GALNTL6: variants seen among roughly 807,000 people sequenced by gnomAD.
The protein encoded by GALNTL6 is polypeptide N-acetylgalactosaminyltransferase like 6, also known as polypeptide N-acetylgalactosaminyltransferase-like 6.
GALNTL6 carries 46 observed loss-of-function variants against 73.7 expected under a neutral mutation model. The ratio of observed to expected loss-of-function variants is 0.62; its 90% confidence interval spans 0.49 to 0.80. The LOEUF is 0.80. Ranked by LOEUF, GALNTL6 falls within the 30% of genes least tolerant of loss-of-function variation. The pLI is 0.00. For synonymous variants in GALNTL6, 259 were observed against 263.7 expected (o/e 0.98, Z 0.17); for missense variants, 604 against 755.0 (o/e 0.80, Z 2.34).
rs756170566 is a variant in GALNTL6, at chr4:172,430,086, TA to T, written c.553+81398del. ...AAATATATATGTGTGTGTATATATATATATACATATATATATCTGTGAAGTG... is the reference window on the plus strand; with the variant it reads ...AAATATATATGTGTGTGTATATATATTATACATATATATATCTGTGAAGTG... On this transcript the variant is annotated intron_variant, in intron 5 of 12. Transcript: ENST00000506823. Among the ~76,000 whole-genome samples the T allele has an allele frequency of 6.5e-4, 98 of 151,890 alleles. 1 individual carries two copies. The highest frequency in any genetic ancestry group is 1.3e-3 in the Non-Finnish European group (85 of 67,984).
At chr4:172,301,788 G>C (rs1425292627) in intron 3 of GALNTL6, among the ~76,000 whole-genome samples, 1 of 152,184 alleles carries the variant, frequency 6.6e-6, no homozygotes, top group African/African-American at 2.4e-5. Flanking sequence ...ACTGGGGGGT[G>C]CCTCCCAGTT....
intron 5 of GALNTL6, among the ~76,000 whole-genome samples, chr4:172,601,375 G>C (rs753375416): frequency 6.6e-6 from 1 of 152,106 alleles, no homozygotes; most frequent in Non-Finnish European, 1.5e-5. Flanking sequence ...AGGTATTTGG[G>C]TAATGGGGCA....
At chr4:172,522,616 G>A (rs931761918) in intron 5 of GALNTL6, among the ~76,000 whole-genome samples, 1 of 150,688 alleles carries the variant, frequency 6.6e-6, no homozygotes, top group South Asian at 2.1e-4. Flanking sequence ...TTTGCAGTGA[G>A]CTGAGATTGC....
chr4:172,795,695 A>G (rs1359354749), intron 5 of GALNTL6, among the ~76,000 whole-genome samples: 2 of 152,140 alleles, frequency 1.3e-5, no homozygotes. Context: ...CCATCCAATT[A>G]CATTCTCTTA....
intron 8 of GALNTL6, 67 bp from the exon 9 acceptor site, chr4:172,931,094 T>A (rs1748310908): frequency 2.1e-5 from 18 of 851,614 alleles, no homozygotes; most frequent in South Asian, 2.0e-4. Flanking sequence ...GGTTTATGAG[T>A]CCTACTGATT....
intron 4 of GALNTL6, among the ~76,000 whole-genome samples, chr4:172,317,966 G>A (rs950540824): frequency 6.6e-6 from 1 of 152,080 alleles, no homozygotes; most frequent in African/African-American, 2.4e-5. Context: ...AGACAGAGAT[G>A]GGAAATGTAT....
At chr4:172,563,246 G>C (rs1289519078) in intron 5 of GALNTL6, among the ~76,000 whole-genome samples, 2 of 152,054 alleles carry the variant, frequency 1.3e-5, no homozygotes, top group African/African-American at 4.8e-5. Context: ...TTGTTCCTTT[G>C]TGTAGCAGAA....
At chr4:171,837,387 C>T (rs1300707099) in intron 2 of GALNTL6, among the ~76,000 whole-genome samples, 7 of 151,470 alleles carry the variant, frequency 4.6e-5, no homozygotes, top group Non-Finnish European at 8.8e-5. Flanking sequence ...TTTTGGGGGG[C>T]GATTGGTGAA....
chr4:172,496,156 T>TA (rs1734063076), intron 5 of GALNTL6, among the ~76,000 whole-genome samples: 7 of 151,848 alleles, frequency 4.6e-5, no homozygotes, highest in African/African-American at 1.5e-4. Context: ...GATGGAAATG[T>TA]GAAAAAACAA....
intron 2 of GALNTL6, among the ~76,000 whole-genome samples, chr4:172,069,543 TAA>T (rs1731469637): frequency 1.2e-5 from 1 of 80,002 alleles, no homozygotes; most frequent in African/African-American, 4.4e-5. Context: ...ATATTATATA[TAA>T]CACATATATG....
At chr4:171,816,542 A>G (rs972664952) in intron 2 of GALNTL6, among the ~76,000 whole-genome samples, 1 of 152,108 alleles carries the variant, frequency 6.6e-6, no homozygotes, top group African/African-American at 2.4e-5. Flanking sequence ...ACTGAAATTG[A>G]TTGATATTGT....
chr4:172,035,814 T>C (rs1249767654), intron 2 of GALNTL6, among the ~76,000 whole-genome samples: 6 of 152,176 alleles, frequency 3.9e-5, no homozygotes, highest in African/African-American at 1.2e-4. Context: ...CTTTGACAGT[T>C]GTCAACTAGA....
chr4:172,458,937 C>T (rs1423920656), intron 5 of GALNTL6, among the ~76,000 whole-genome samples: 2 of 152,028 alleles, frequency 1.3e-5, no homozygotes, highest in Non-Finnish European at 2.9e-5. Context: ...CCAATATCCT[C>T]GATGAATATC....
chr4:172,730,379 G>A lies in GALNTL6; in HGVS notation c.554-78982G>A, dbSNP rs534540289. ...GTTAGTCATGGGTTTGTCTTAGATGGCCTTTATTATTTTGTGATATGTTCC... is the reference window on the plus strand; with the variant it reads ...GTTAGTCATGGGTTTGTCTTAGATGACCTTTATTATTTTGTGATATGTTCC... On this transcript the variant is annotated intron_variant, in intron 5 of 12. Coordinates refer to ENST00000506823, the MANE Select transcript of GALNTL6 (RefSeq NM_001034845.3). 3.3e-5 allele frequency among the ~76,000 whole-genome samples: 5 copies of A among 152,222 alleles called. No homozygotes were observed. In the East Asian group the frequency reaches 7.7e-4, roughly 24 times the overall value.
At chr4:172,259,218 C>T (rs1039502127) in intron 3 of GALNTL6, among the ~76,000 whole-genome samples, 12 of 151,446 alleles carry the variant, frequency 7.9e-5, no homozygotes, top group African/African-American at 2.2e-4. Flanking sequence ...TTTATATTCC[C>T]ACCAACAGTG....
At chr4:172,172,856 T>C (rs553924564) in intron 2 of GALNTL6, among the ~76,000 whole-genome samples, 2 of 152,302 alleles carry the variant, frequency 1.3e-5, no homozygotes, top group East Asian at 3.9e-4. Flanking sequence ...AATTTACTAA[T>C]CCGCAGTCTT....
At chr4:171,835,873 G>A (rs1183101810) in intron 2 of GALNTL6, among the ~76,000 whole-genome samples, 1 of 151,866 alleles carries the variant, frequency 6.6e-6, no homozygotes, top group Non-Finnish European at 1.5e-5. Context: ...TAACAGTAGT[G>A]ATAATGGTTT....
At chr4:171,889,294 G>T (rs1461124560) in intron 2 of GALNTL6, among the ~76,000 whole-genome samples, 1 of 151,916 alleles carries the variant, frequency 6.6e-6, no homozygotes, top group Admixed American at 6.6e-5. Flanking sequence ...AAAATAAATG[G>T]AATATATTTT....
intron 8 of GALNTL6, among the ~76,000 whole-genome samples, chr4:172,908,486 CA>C (rs1346632977): frequency 6.6e-6 from 1 of 151,572 alleles, no homozygotes; most frequent in Non-Finnish European, 1.5e-5. Context: ...AATTAGAAAG[CA>C]GGGGGGAAAT....
Sources: allele counts gnomAD v4.1 joint callset (sites outside exome capture counted in the v4.1 genomes callset), GRCh38; gene constraint gnomAD v4.1.1; transcripts MANE v1.5; gene names NCBI Gene and HGNC (gene_info 2026-07-23, HGNC 2026-07-21).